GRK3: variants seen among roughly 807,000 people sequenced by gnomAD.
The protein encoded by GRK3 is G protein-coupled receptor kinase 3, also known as adrenergic, beta, receptor kinase 2.
GRK3 carries 54 observed loss-of-function variants against 95.7 expected under a neutral mutation model. The observed-to-expected ratio is 0.56, with a 90% CI of 0.45 to 0.71. The LOEUF (loss-of-function observed/expected upper bound fraction) is 0.71. Among genes scored for constraint, GRK3 ranks in the 30% least tolerant of loss-of-function variants. GRK3 has a pLI of 0.00. For missense variants in GRK3, 649 were observed against 851.2 expected (o/e 0.76, Z 2.96); for synonymous variants, 281 against 290.8 (o/e 0.97, Z 0.34).
At position 25,687,635 on chromosome 22, in the gene GRK3, C is replaced by T; in HGVS notation, c.925C>T (p.His309Tyr). 1 of 1,614,132 alleles carries T rather than the reference C, an allele frequency of 6.2e-7. No homozygotes were observed. Among genetic ancestry groups the T allele is most frequent in the Non-Finnish European group, 8.5e-7 (1 of 1,180,006 alleles). The change falls in exon 11 of 21, where the codon CAC becomes TAC. Residue 309 changes from histidine (H) to tyrosine (Y), a missense_variant. Around this residue, in one of 3 missense-constraint regions of GRK3, gnomAD observed 382 missense variants for 493.8 expected, o/e 0.77. Coordinates refer to ENST00000324198, the MANE Select transcript of GRK3 (RefSeq NM_005160.4). ...TEIILGLEHM[H>Y]NRFVVYRDLK... The stretch of plus-strand genomic sequence containing the variant: ...AATCATTCTGGGTCTGGAACACATG[C>T]ACAATCGGTTTGTTGTCTACAGAGA...
At chr22:25,592,924 G>A in intron 1 of GRK3, among the ~76,000 whole-genome samples, 1 of 149,668 alleles carries the variant, frequency 6.7e-6, no homozygotes, top group Middle Eastern at 3.5e-3. Context: ...TTGGTTTTCT[G>A]TTCCTGTGTT....
At chr22:25,697,277 T>C (rs1201146706) in intron 13 of GRK3, among the ~76,000 whole-genome samples, 1 of 152,240 alleles carries the variant, frequency 6.6e-6, no homozygotes, top group Non-Finnish European at 1.5e-5. Context: ...TTTAAAAGAC[T>C]AGAGGGTTTT....
Position 25,672,353 on chromosome 22 carries a change from TATC to T in GRK3, c.555+10_555+12del, listed in dbSNP as rs1490194666. 7.0e-7 allele frequency: 1 copy of T among 1,422,326 alleles called. No individual in the cohort carries two copies. Among genetic ancestry groups the T allele is most frequent in the South Asian group, 1.2e-5 (1 of 80,340 alleles). 88.1% of individuals were successfully genotyped at this position (1,422,326 alleles called of 1,614,324 possible). A position where few individuals can be genotyped will look rare whatever the true frequency, so the allele number is the denominator to read the frequency against. ...ACGTTGAATTAAATATCCATGTGAGTATCATCTTTTTCTTTTTTCATTTTTTAA... is the reference window on the plus strand; with the variant it reads ...ACGTTGAATTAAATATCCATGTGAGTATCTTTTTCTTTTTTCATTTTTTAA... On this transcript the variant is annotated splice_region_variant and intron_variant, in intron 7 of 20. Transcript: ENST00000324198.
At chr22:25,669,927 G>C (rs1199477697) in intron 6 of GRK3, among the ~76,000 whole-genome samples, 1 of 152,226 alleles carries the variant, frequency 6.6e-6, no homozygotes. Flanking sequence ...ACCAGTCATA[G>C]ATTTATAAAT....
At chr22:25,685,055 A>G (rs1382621402) in intron 9 of GRK3, 115 bp from the exon 10 acceptor site, 3 of 682,352 alleles carry the variant, frequency 4.4e-6, no homozygotes, top group Admixed American at 2.3e-5. Context: ...TACAATTGCA[A>G]TGTGTCAATT....
chr22:25,725,890 A>T lies in GRK3; in HGVS notation c.*3440A>T. Reference sequence around the variant, plus strand: ...CATGAACCCGGGAGGCAGAGCTTGCAGTGAGCCGAGATTGCGCCACTGCAC... The same window carrying T: ...CATGAACCCGGGAGGCAGAGCTTGCTGTGAGCCGAGATTGCGCCACTGCAC... On this transcript the variant is annotated 3_prime_UTR_variant, in exon 21 of 21. Transcript: ENST00000324198. 1 of 270,030 alleles carries T rather than the reference A, an allele frequency of 3.7e-6. No homozygotes were observed. The highest frequency in any genetic ancestry group is 6.9e-6 in the Non-Finnish European group (1 of 144,948). 16.7% of individuals were successfully genotyped at this position (270,030 alleles called of 1,614,324 possible). A position where few individuals can be genotyped will look rare whatever the true frequency, so the allele number is the denominator to read the frequency against.
chr22:25,722,400 G>A lies in GRK3; in HGVS notation c.2017G>A (p.Val673Met). 1 of 1,614,210 alleles carries A rather than the reference G, an allele frequency of 6.2e-7. No individual in the cohort carries two copies. Among genetic ancestry groups the A allele is most frequent in the Non-Finnish European group, 8.5e-7 (1 of 1,180,030 alleles). ...KFLNKPRSGT[V>M]ELPKPSLCHR... ...CCTCAACAAACCTCGGTCAGGTACT[G>A]TGGAGCTCCCAAAGCCATCCCTCTG... is the stretch of plus-strand genomic sequence containing the variant. Residue 673 changes from valine (V) to methionine (M), a missense_variant, in exon 21 of 21, where the codon GTG becomes ATG. By Grantham distance (21) the Val-to-Met change is conservative. Transcript: ENST00000324198.
chr22:25,714,612 A>G (rs755074522), intron 18 of GRK3, 42 bp downstream of exon 18: 2 of 1,507,000 alleles, frequency 1.3e-6, no homozygotes, highest in Admixed American at 4.7e-5. Flanking sequence ...TAATGCAGTA[A>G]ATTTTCAAAA....
chr22:25,691,374 G>C (rs980141981), intron 12 of GRK3, among the ~76,000 whole-genome samples: 5 of 152,100 alleles, frequency 3.3e-5, no homozygotes, highest in Admixed American at 2.0e-4. Flanking sequence ...TTCTCTTTGT[G>C]TAACTAGAAG....
intron 1 of GRK3, among the ~76,000 whole-genome samples, chr22:25,586,485 A>G (rs1418118993): frequency 6.6e-6 from 1 of 152,282 alleles, no homozygotes; most frequent in Admixed American, 6.5e-5. Flanking sequence ...CCGTAAATAT[A>G]TCTACCTACT....
chr22:25,647,794 T>C (rs2084796596), intron 3 of GRK3: 10 of 906,334 alleles, frequency 1.1e-5, no homozygotes, highest in East Asian at 2.5e-5. Context: ...TCCTGGAAAT[T>C]AATGAGGTAT....
At chr22:25,695,037 C>A in intron 12 of GRK3, 70 bp from the exon 13 acceptor site, 2 of 1,102,730 alleles carry the variant, frequency 1.8e-6, no homozygotes, top group Non-Finnish European at 1.4e-6. Flanking sequence ...GACACCCGGA[C>A]CTTGGGGCGC....
intron 19 of GRK3, among the ~76,000 whole-genome samples, chr22:25,719,806 G>T (rs540696886): frequency 6.6e-6 from 1 of 152,176 alleles, no homozygotes; most frequent in South Asian, 2.1e-4. Flanking sequence ...GTTCTCCAGA[G>T]ATCAGAAGTG....
At chr22:25,652,633 A>T (rs2084840618) in intron 3 of GRK3, among the ~76,000 whole-genome samples, 1 of 152,172 alleles carries the variant, frequency 6.6e-6, no homozygotes, top group Non-Finnish European at 1.5e-5. Flanking sequence ...ATTGGATTGT[A>T]ATCAGTCAGG....
intron 1 of GRK3, among the ~76,000 whole-genome samples, chr22:25,566,088 A>G (rs1383077947): frequency 6.6e-6 from 1 of 152,210 alleles, no homozygotes; most frequent in African/African-American, 2.4e-5. Flanking sequence ...TCTGGTTAAT[A>G]GTGAGTTTTA....
chr22:25,612,885 A>G lies in GRK3; in HGVS notation c.190+8432A>G, dbSNP rs568492827. On this transcript the variant is annotated intron_variant, in intron 2 of 20. Coordinates refer to ENST00000324198, the MANE Select transcript of GRK3 (RefSeq NM_005160.4). ...AAAAATCTGAGCAGTTTCTATAATA[A>G]TAAAGATGGATGTAGATAGACCACA... 1.2e-4 allele frequency among the ~76,000 whole-genome samples: 18 copies of G among 152,200 alleles called. No homozygotes were observed. In the South Asian group the frequency reaches 3.3e-3, roughly 28 times the overall value.
At chr22:25,661,376 C>T (rs781402630) in intron 3 of GRK3, among the ~76,000 whole-genome samples, 200 bp from the exon 4 acceptor site, 1 of 152,166 alleles carries the variant, frequency 6.6e-6, no homozygotes, top group African/African-American at 2.4e-5. Flanking sequence ...AAAAAATCCA[C>T]TTGTATGTTT....
At chr22:25,621,303 C>T (rs1301979527) in intron 2 of GRK3, among the ~76,000 whole-genome samples, 2 of 152,214 alleles carry the variant, frequency 1.3e-5, no homozygotes, top group Admixed American at 6.5e-5. Flanking sequence ...TTTTCCCAAA[C>T]AAAGAAACCT....
At chr22:25,617,180 T>A (rs1035423404) in intron 2 of GRK3, among the ~76,000 whole-genome samples, 5 of 152,200 alleles carry the variant, frequency 3.3e-5, no homozygotes, top group Admixed American at 1.3e-4. Flanking sequence ...AAATATATAT[T>A]TTTTTAGTTT....
Sources: gnomAD v4.1 joint callset for allele counts (sites outside exome capture counted in the v4.1 genomes callset) on GRCh38, gnomAD v4.1.1 for gene constraint, gnomAD v4.1.1 regional missense constraint, MANE v1.5 for transcripts, NCBI Gene and HGNC (gene_info 2026-07-23, HGNC 2026-07-21) for gene names.